Variants in TSPEAR observed in about 807,000 individuals in gnomAD.
The protein encoded by TSPEAR is thrombospondin type laminin G domain and EAR repeats.
A neutral mutation model predicts 71.6 loss-of-function variants in TSPEAR; 69 were observed. The observed-to-expected ratio is 0.96, with a 90% CI of 0.79 to 1.18. The LOEUF is 1.18. Ranked by LOEUF, TSPEAR falls within the 50% of genes most tolerant of loss-of-function variation. The pLI, the probability that TSPEAR is intolerant of heterozygous loss-of-function variation, is 0.00. For missense variants in TSPEAR, 971 were observed against 894.9 expected, an observed-to-expected ratio of 1.09 and a Z score of -1.09; for synonymous variants, 402 against 387.2, an observed-to-expected ratio of 1.04 and a Z score of -0.45.
intron 1 of TSPEAR, among the ~76,000 whole-genome samples, chr21:44,616,030 G>A (rs1371146969): frequency 6.6e-6 from 1 of 152,196 alleles, no homozygotes; most frequent in Non-Finnish European, 1.5e-5. Context: ...CCCCAGCGGA[G>A]GCCACACAGA....
chr21:44,505,617 T>A (rs1555911827), intron 10 of TSPEAR, among the ~76,000 whole-genome samples: 1 of 109,428 alleles, frequency 9.1e-6, no homozygotes, highest in African/African-American at 3.5e-5. Context: ...ACTTTCTGTC[T>A]CTATGAATTT....
chr21:44,677,381 A>AC, intron 1 of TSPEAR: 1 of 1,397,736 alleles, frequency 7.2e-7, no homozygotes. Flanking sequence ...GTGCATTGAC[A>AC]GCCTGGACCA....
At chr21:44,626,066 C>T (rs1487000618) in intron 1 of TSPEAR, among the ~76,000 whole-genome samples, 1 of 152,198 alleles carries the variant, frequency 6.6e-6, no homozygotes, top group African/African-American at 2.4e-5. Context: ...AATGAGAGGC[C>T]GTTTCCAGCT....
chr21:44,564,721 A>G (rs2053680769), intron 2 of TSPEAR, among the ~76,000 whole-genome samples: 2 of 152,206 alleles, frequency 1.3e-5, no homozygotes, highest in Admixed American at 1.3e-4. Flanking sequence ...ACAAACGGAT[A>G]GAATAACTAG....
intron 1 of TSPEAR, among the ~76,000 whole-genome samples, chr21:44,648,635 C>T (rs1403677326): frequency 6.6e-6 from 1 of 152,206 alleles, no homozygotes; most frequent in Non-Finnish European, 1.5e-5. Context: ...GGAGTCGGCA[C>T]AGGGCGCACC....
chr21:44,509,877 A>T (rs587687892), intron 9 of TSPEAR: 1 of 170,008 alleles, frequency 5.9e-6, no homozygotes, highest in East Asian at 1.8e-4. Flanking sequence ...TCTTCCAGGA[A>T]GCCCACCCTG....
At chr21:44,702,738 C>G in intron 1 of TSPEAR, 6 of 1,431,272 alleles carry the variant, frequency 4.2e-6, no homozygotes, top group Non-Finnish European at 5.9e-6. Flanking sequence ...CCCTCCTCTG[C>G]CGCCGTGTGT....
intron 1 of TSPEAR, among the ~76,000 whole-genome samples, chr21:44,570,143 C>T (rs1052718949): frequency 2.6e-5 from 4 of 152,138 alleles, no homozygotes; most frequent in African/African-American, 9.7e-5. Flanking sequence ...CAGAAGGTGC[C>T]CTGCCCAGCA....
In TSPEAR at chr21:44,711,177, T is replaced by G. The variant is rs1988199970; in HGVS notation, c.82+256A>C. On this transcript the variant is annotated intron_variant, in intron 1 of 11. Transcript: ENST00000323084. The surrounding 1 kb of genome is among the most constrained non-coding windows in gnomAD (Gnocchi z 4.5). ...GCCCCGGTGGCTGCTGGTTAGCTCT[T>G]GAAGCTCGTCCCCACCCTGCGTGCG... Among the ~76,000 whole-genome samples the G allele has an allele frequency of 6.6e-6, 1 of 152,160 alleles. No homozygotes were observed. The highest frequency in any genetic ancestry group is 1.5e-5 in the Non-Finnish European group (1 of 68,030).
chr21:44,548,559 C>T (rs1364023265), intron 2 of TSPEAR, among the ~76,000 whole-genome samples: 3 of 151,994 alleles, frequency 2.0e-5, no homozygotes, highest in Non-Finnish European at 2.9e-5. Context: ...CACGTGAACA[C>T]GTGAACATGA....
intron 1 of TSPEAR, among the ~76,000 whole-genome samples, chr21:44,648,458 C>T (rs1050423556): frequency 7.9e-5 from 12 of 152,196 alleles, no homozygotes; most frequent in Admixed American, 2.0e-4. Context: ...TTATTCAACC[C>T]GTGTCCGTTA....
intron 8 of TSPEAR, among the ~76,000 whole-genome samples, chr21:44,524,264 C>T (rs1342394518): frequency 1.3e-5 from 2 of 151,352 alleles, no homozygotes; most frequent in South Asian, 4.2e-4. Context: ...GCCAGCCAGC[C>T]AGCCAGTCAG....
At chr21:44,702,291 C>A in intron 1 of TSPEAR, 1 of 1,607,668 alleles carries the variant, frequency 6.2e-7, no homozygotes. Flanking sequence ...CCCCCTGCTG[C>A]GCCGCCAGCT....
chr21:44,555,112 G>A (rs1378527789), intron 2 of TSPEAR, among the ~76,000 whole-genome samples: 6 of 152,086 alleles, frequency 3.9e-5, no homozygotes, highest in African/African-American at 1.2e-4. Flanking sequence ...TCCTAAAGAC[G>A]GAAAAGCAAC....
rs1569233807 is a variant in TSPEAR, at chr21:44,637,943, C to A, written c.83-69938G>T. The A allele has an allele frequency of 1.2e-6, 2 of 1,612,970 alleles. No homozygotes were observed. The highest frequency in any genetic ancestry group is 2.2e-5 in the East Asian group (1 of 44,872). ...ATGCTGCCAGCAGTCTAGCTGCCAG[C>A]CTGCTTGCTGCACCGCCTCCTGCTG... On this transcript the variant is annotated intron_variant, in intron 1 of 11. Coordinates refer to ENST00000323084, the MANE Select transcript of TSPEAR (RefSeq NM_144991.3).
intron 1 of TSPEAR, among the ~76,000 whole-genome samples, chr21:44,674,214 G>A (rs1986195507): frequency 6.6e-6 from 1 of 150,796 alleles, no homozygotes; most frequent in African/African-American, 2.4e-5. Flanking sequence ...AAAATTAGTA[G>A]AAGGAAAGAG....
At chr21:44,675,515 A>T (rs587617273) in intron 1 of TSPEAR, among the ~76,000 whole-genome samples, 2 of 122,466 alleles carry the variant, frequency 1.6e-5, no homozygotes, top group Admixed American at 1.8e-4. Context: ...GAACTGAATG[A>T]GACAAGGATG....
At chr21:44,604,948 T>C (rs1981216054) in intron 1 of TSPEAR, among the ~76,000 whole-genome samples, 1 of 152,258 alleles carries the variant, frequency 6.6e-6, no homozygotes, top group African/African-American at 2.4e-5. Context: ...TGGATCATAG[T>C]GAAGGATCTT....
intron 1 of TSPEAR, chr21:44,579,665 C>A: frequency 1.3e-6 from 2 of 1,496,918 alleles, no homozygotes; most frequent in East Asian, 2.3e-5. Context: ...CATGGGGGCC[C>A]CGTCCCAAGC....
Sources: gnomAD v4.1 joint callset for allele counts (sites outside exome capture counted in the v4.1 genomes callset) on GRCh38, gnomAD v4.1.1 for gene constraint, Gnocchi (gnomAD v3.1) non-coding constraint, MANE v1.5 for transcripts, NCBI Gene and HGNC (gene_info 2026-07-23, HGNC 2026-07-21) for gene names.